The following AK5 variants were observed in gnomAD, a reference collection of about 807,000 sequenced individuals.
The protein encoded by AK5 is adenylate kinase isoenzyme 5.
AK5 carries 27 observed loss-of-function variants against 69.5 expected under a neutral mutation model. That is an observed-to-expected ratio of 0.39 (90% CI 0.29 to 0.54). AK5 has a LOEUF of 0.54. AK5 is among the 20% of genes least tolerant of loss of function. AK5 has a pLI of 0.71. For missense variants in AK5, 531 were observed against 700.4 expected (o/e 0.76, Z 2.73); for synonymous variants, 260 against 244.4 (o/e 1.06, Z -0.60).
At chr1:77,424,375 C>T (rs1176173986) in intron 8 of AK5, among the ~76,000 whole-genome samples, 1 of 152,114 alleles carries the variant, frequency 6.6e-6, no homozygotes, top group Non-Finnish European at 1.5e-5. Context: ...ATCCTCTTGC[C>T]TCAGCCTCTT....
intron 6 of AK5, among the ~76,000 whole-genome samples, chr1:77,370,784 C>T (rs956153330): frequency 2.6e-5 from 4 of 152,156 alleles, no homozygotes; most frequent in African/African-American, 9.7e-5. Flanking sequence ...ACCTGCCAAG[C>T]AGTGCCAGGC....
At chr1:77,309,075 A>AG (rs1234738596) in intron 5 of AK5, among the ~76,000 whole-genome samples, 14 of 138,238 alleles carry the variant, frequency 1.0e-4, no homozygotes, top group African/African-American at 3.5e-4. Context: ...TGGGGCCTGC[A>AG]GGGTGGTGGG....
intron 13 of AK5, among the ~76,000 whole-genome samples, chr1:77,552,267 A>G (rs1659857676): frequency 6.6e-6 from 1 of 151,884 alleles, no homozygotes; most frequent in African/African-American, 2.4e-5. Flanking sequence ...ATAAATTCCC[A>G]CTTGCCCACG....
chr1:77,302,925 G>A (rs1420271995), intron 5 of AK5, among the ~76,000 whole-genome samples: 1 of 152,154 alleles, frequency 6.6e-6, no homozygotes, highest in East Asian at 1.9e-4. Flanking sequence ...TGACATAACA[G>A]GGGTTATCAA....
chr1:77,417,559 GA>G lies in AK5; in HGVS notation c.983-77del, dbSNP rs765566135. ...ATTTAATGTGATATAGGAAAATATG[GA>G]AACCTAGTGAGAGACTGTTTGCTTT... On this transcript the variant is annotated intron_variant, in intron 7 of 13. Transcript: ENST00000354567. 203 of 837,634 alleles carry G rather than the reference GA, an allele frequency of 2.4e-4. 1 individual carries two copies. The highest frequency in any genetic ancestry group is 3.8e-4 in the Non-Finnish European group (190 of 496,172). 51.9% of individuals were successfully genotyped at this position (837,634 alleles called of 1,614,324 possible).
intron 6 of AK5, among the ~76,000 whole-genome samples, chr1:77,343,511 A>T (rs1661763393): frequency 6.6e-6 from 1 of 152,200 alleles, no homozygotes; most frequent in Admixed American, 6.6e-5. Flanking sequence ...AATATGTATA[A>T]CATGGTAGAT....
chr1:77,553,606 G>T (rs1231422056), intron 13 of AK5, among the ~76,000 whole-genome samples: 1 of 152,220 alleles, frequency 6.6e-6, no homozygotes, highest in African/African-American at 2.4e-5. Flanking sequence ...CTAGGGTGAA[G>T]AACTTACATT....
intron 10 of AK5, among the ~76,000 whole-genome samples, chr1:77,506,193 G>A (rs1489589385): frequency 6.6e-6 from 1 of 151,552 alleles, no homozygotes; most frequent in Non-Finnish European, 1.5e-5. Flanking sequence ...GAGACCTCTG[G>A]GTGAAGAAAC....
chr1:77,401,214 A>C (rs1044719053), intron 6 of AK5, among the ~76,000 whole-genome samples: 114 of 152,322 alleles, frequency 7.5e-4, no homozygotes, highest in African/African-American at 2.7e-3. Flanking sequence ...TTACTCTTTT[A>C]GTGCAATCTT....
intron 6 of AK5, among the ~76,000 whole-genome samples, chr1:77,381,074 A>G (rs1286589923): frequency 6.6e-6 from 1 of 152,058 alleles, no homozygotes; most frequent in Admixed American, 6.5e-5. Context: ...CACATGCTAT[A>G]GATTGAATGT....
rs550884305 is a variant in AK5, at chr1:77,293,652, T to A, written c.248-141T>A. 4 of 684,192 alleles carry A rather than the reference T, an allele frequency of 5.8e-6. No individual in the cohort carries two copies. In the East Asian group the frequency reaches 1.2e-4, roughly 20 times the overall value. 42.4% of individuals were successfully genotyped at this position (684,192 alleles called of 1,614,324 possible). A position where few individuals can be genotyped will look rare whatever the true frequency, so the allele number is the denominator to read the frequency against. ...TCTGACCCTTTACAATAAAGCCTGCTGACCACTTAGGGAGACTTCTTCCAG... is the reference window on the plus strand; with the variant it reads ...TCTGACCCTTTACAATAAAGCCTGCAGACCACTTAGGGAGACTTCTTCCAG... On this transcript the variant is annotated intron_variant, in intron 2 of 13. Transcript: ENST00000354567.
chr1:77,330,800 G>GA (rs1429053075), intron 5 of AK5, among the ~76,000 whole-genome samples: 5 of 152,024 alleles, frequency 3.3e-5, no homozygotes, highest in Non-Finnish European at 7.4e-5. Flanking sequence ...ATCAATTTGG[G>GA]AAAAAATGAC....
rs529494578 is a variant in AK5, at chr1:77,470,582, G to A, written c.1060-12735G>A. ...ATGTACTGCATGTAAGAATAAAGAAGACAAAATCAACTGGAGGCACAGGAC... is the reference window on the plus strand; with the variant it reads ...ATGTACTGCATGTAAGAATAAAGAAAACAAAATCAACTGGAGGCACAGGAC... On this transcript the variant is annotated intron_variant, in intron 8 of 13. Coordinates refer to ENST00000354567, the MANE Select transcript of AK5 (RefSeq NM_174858.3). 1.9e-4 allele frequency among the ~76,000 whole-genome samples: 29 copies of A among 152,002 alleles called. 1 individual carries two copies. The South Asian group carries it at 5.8e-3, about 31-fold the overall frequency.
At chr1:77,335,220 C>T (rs1661285378) in intron 5 of AK5, among the ~76,000 whole-genome samples, 1 of 152,032 alleles carries the variant, frequency 6.6e-6, no homozygotes, top group South Asian at 2.1e-4. Context: ...TTTAACAGAA[C>T]AGTCATTCAA....
intron 6 of AK5, among the ~76,000 whole-genome samples, chr1:77,367,589 T>TATATATATATATTTTA (rs1553139773): frequency 2.3e-5 from 1 of 43,596 alleles, no homozygotes; most frequent in African/African-American, 8.0e-5. Flanking sequence ...AATATATATG[T>TATATATATATATTTTA]TATATATGTA....
chr1:77,521,683 G>A (rs1657992482), intron 11 of AK5, 144 bp from the exon 12 acceptor site: 1 of 593,840 alleles, frequency 1.7e-6, no homozygotes, highest in African/African-American at 1.9e-5. Context: ...GTGGAAGAGT[G>A]AAATGAAATA....
At chr1:77,482,992 TAAAAAAAAAAAAAAAAAAAAAAAAAAAA>T (rs56718956) in intron 8 of AK5, among the ~76,000 whole-genome samples, 2,372 of 43,934 alleles carry the variant, frequency 0.054, 80 homozygotes, top group South Asian at 0.092. Flanking sequence ...TTTTGCACTT[TAAAAAAAAAAAAAAAAAAAAAAAAAAAA>T]AAAAAAAAAA....
intron 13 of AK5, among the ~76,000 whole-genome samples, chr1:77,553,493 T>C (rs961385860): frequency 1.3e-5 from 2 of 152,236 alleles, no homozygotes; most frequent in Non-Finnish European, 2.9e-5. Context: ...TTGAAGTAGA[T>C]GGTCACTTGG....
At chr1:77,496,379 G>T (rs544814877) in intron 10 of AK5, among the ~76,000 whole-genome samples, 51 of 152,288 alleles carry the variant, frequency 3.3e-4, no homozygotes, top group African/African-American at 1.2e-3. Context: ...GCAGTGAGGT[G>T]CCATGAAGGC....
Sources: gnomAD v4.1 joint callset for allele counts (sites outside exome capture counted in the v4.1 genomes callset) on GRCh38, gnomAD v4.1.1 for gene constraint, MANE v1.5 for transcripts, NCBI Gene and HGNC (gene_info 2026-07-23, HGNC 2026-07-21) for gene names.